DAB1: variants seen among roughly 807,000 people sequenced by gnomAD.
The protein encoded by DAB1 is DAB adaptor protein 1, also known as disabled homolog 1.
In DAB1, 15 loss-of-function variants were observed where a neutral mutation model predicts 64.6. The observed-to-expected ratio is 0.23, with a 90% CI of 0.16 to 0.36. The LOEUF is 0.36. Ranked by LOEUF, DAB1 falls within the 10% of genes least tolerant of loss-of-function variation. The probability of loss-of-function intolerance (pLI) is 1.00; values close to 1 mark genes in which losing one functional copy is unlikely to be tolerated. For synonymous variants in DAB1, 235 were observed against 251.9 expected (o/e 0.93, Z 0.64); for missense variants, 596 against 706.7 (o/e 0.84, Z 1.78).
chr1:58,427,746 C>T lies in DAB1; in HGVS notation n.257+78314G>A, dbSNP rs765535261. ...TGTTTGACTTGGTAAATATTAAGTC[C>T]GAGGTGCTTTATCTTAAAATGTTAG... On this transcript the variant is annotated intron_variant and non_coding_transcript_variant, in intron 3 of 20. Transcript: ENST00000485760. Among the ~76,000 whole-genome samples the T allele has an allele frequency of 4.6e-5, 7 of 151,930 alleles. No homozygotes were observed. The South Asian group carries it at 6.2e-4, about 14-fold the overall frequency.
At chr1:57,761,507 A>G (rs547491287) in intron 6 of DAB1, among the ~76,000 whole-genome samples, 41 of 152,270 alleles carry the variant, frequency 2.7e-4, no homozygotes, top group African/African-American at 9.9e-4. Context: ...GATTGCTGCC[A>G]ATTTCATTGC....
Position 57,221,530 on chromosome 1 carries a change from A to G in DAB1, c.67+69434T>C, listed in dbSNP as rs76555141. Among the ~76,000 whole-genome samples the G allele has an allele frequency of 5.3e-5, 8 of 152,088 alleles. No individual in the cohort carries two copies. The East Asian group carries it at 1.5e-3, about 29-fold the overall frequency. On this transcript the variant is annotated intron_variant, in intron 2 of 14. Coordinates refer to ENST00000371236, the MANE Select transcript of DAB1 (RefSeq NM_001365792.1). ...TTTTCACAAAACGTTACAAAATACT[A>G]TTTTCACAAAACTATGATACTCTGG... is the stretch of plus-strand genomic sequence containing the variant.
chr1:57,160,723 G>T (rs573519950), intron 2 of DAB1, among the ~76,000 whole-genome samples: 1 of 152,312 alleles, frequency 6.6e-6, no homozygotes, highest in South Asian at 2.1e-4. Flanking sequence ...CTCATCTGGT[G>T]TTGCCATTCA....
intron 2 of DAB1, among the ~76,000 whole-genome samples, chr1:57,208,684 C>A (rs1665778423): frequency 6.6e-6 from 1 of 152,096 alleles, no homozygotes; most frequent in Non-Finnish European, 1.5e-5. Flanking sequence ...GACTTTAGGG[C>A]CAGGTACTGT....
At chr1:58,494,714 A>T (rs1645764988) in intron 3 of DAB1, among the ~76,000 whole-genome samples, 1 of 152,086 alleles carries the variant, frequency 6.6e-6, no homozygotes, top group African/African-American at 2.4e-5. Context: ...CAAAACCACA[A>T]TGAGATACCA....
At chr1:57,447,322 G>A (rs1319907176) in intron 7 of DAB1, among the ~76,000 whole-genome samples, 1 of 152,116 alleles carries the variant, frequency 6.6e-6, no homozygotes, top group Non-Finnish European at 1.5e-5. Flanking sequence ...CTGCTCAAAG[G>A]ATCCCTCCAA....
intron 7 of DAB1, among the ~76,000 whole-genome samples, chr1:57,523,083 G>C (rs956192777): frequency 3.3e-5 from 5 of 152,112 alleles, no homozygotes; most frequent in African/African-American, 9.7e-5. Flanking sequence ...ACTTCACCTT[G>C]TGATCATGTG....
chr1:58,186,854 G>C (rs1657105464), intron 4 of DAB1, among the ~76,000 whole-genome samples: 1 of 152,160 alleles, frequency 6.6e-6, no homozygotes, highest in South Asian at 2.1e-4. Context: ...TTGCTTTCAT[G>C]ATCATGGCAG....
At chr1:57,579,795 T>C (rs1315592068) in intron 7 of DAB1, among the ~76,000 whole-genome samples, 3 of 152,106 alleles carry the variant, frequency 2.0e-5, no homozygotes, top group East Asian at 3.9e-4. Flanking sequence ...CCCTGGAAAG[T>C]GGTGTTTTAA....
chr1:57,822,591 C>T (rs547343639), downstream of DAB1, among the ~76,000 whole-genome samples: 1 of 152,284 alleles, frequency 6.6e-6, no homozygotes, highest in South Asian at 2.1e-4. Context: ...TATCACTCCA[C>T]TCATAAGGTG....
At chr1:58,500,358 G>A (rs1475466914) in intron 3 of DAB1, among the ~76,000 whole-genome samples, 4 of 152,054 alleles carry the variant, frequency 2.6e-5, no homozygotes, top group Non-Finnish European at 5.9e-5. Context: ...GTGTACACTG[G>A]CCAACAACGA....
At chr1:57,714,239 T>C (rs1053485245) in intron 6 of DAB1, among the ~76,000 whole-genome samples, 4 of 152,176 alleles carry the variant, frequency 2.6e-5, no homozygotes, top group African/African-American at 9.6e-5. Flanking sequence ...TTTTACCCAT[T>C]TTATGACGGG....
chr1:58,328,260 C>A (rs535636637), intron 4 of DAB1, among the ~76,000 whole-genome samples: 2 of 152,348 alleles, frequency 1.3e-5, no homozygotes, highest in South Asian at 2.1e-4. Context: ...GCCATCGCAG[C>A]TCCTATTTTT....
Position 58,381,947 on chromosome 1 carries a change from ATCAAAGAAGTGAGACTGAATGACAC to A in DAB1, n.258-38569_258-38545del, listed in dbSNP as rs1317684404. On this transcript the variant is annotated intron_variant and non_coding_transcript_variant, in intron 3 of 20. Transcript: ENST00000485760. ...CAAAGAAGTGAGACTGAATGACACC[ATCAAAGAAGTGAGACTGAATGACAC>A]CATGAAAGAAGAAACAGTAGATAGA... Among the ~76,000 whole-genome samples the A allele has an allele frequency of 1.1e-4, 16 of 152,292 alleles. No homozygotes were observed. The East Asian group carries it at 3.1e-3, about 29-fold the overall frequency.
At chr1:57,663,719 G>A (rs1391478883) in intron 6 of DAB1, among the ~76,000 whole-genome samples, 1 of 151,688 alleles carries the variant, frequency 6.6e-6, no homozygotes, top group Non-Finnish European at 1.5e-5. Context: ...ATCACCACTG[G>A]GGTTAATTTA....
intron 5 of DAB1, among the ~76,000 whole-genome samples, chr1:57,986,365 C>T (rs1646218561): frequency 6.6e-6 from 1 of 152,224 alleles, no homozygotes; most frequent in South Asian, 2.1e-4. Context: ...GCTCCCTTAC[C>T]TATTCTACTA....
intron 5 of DAB1, among the ~76,000 whole-genome samples, chr1:58,042,254 T>A (rs572767226): frequency 1.3e-5 from 2 of 152,250 alleles, no homozygotes; most frequent in Non-Finnish European, 1.5e-5. Context: ...GAAGCAGGTA[T>A]GATTTAAAGA....
rs540467404 is a variant in DAB1, at chr1:58,081,801, T to C, written n.387+68710A>G. Among the ~76,000 whole-genome samples, 8 of 152,278 alleles carry C rather than the reference T, an allele frequency of 5.3e-5. No homozygotes were observed. The South Asian group carries it at 1.0e-3, about 20-fold the overall frequency. On this transcript the variant is annotated intron_variant and non_coding_transcript_variant, in intron 5 of 20. Transcript: ENST00000485760. ...CCTTAGAGAGCAGTAAATGAATAATTCCCCATCTCTTTTTTTTCCCCCACT... is the reference window on the plus strand; with the variant it reads ...CCTTAGAGAGCAGTAAATGAATAATCCCCCATCTCTTTTTTTTCCCCCACT...
intron 5 of DAB1, among the ~76,000 whole-genome samples, chr1:57,909,397 A>G (rs1301126821): frequency 6.6e-6 from 1 of 152,218 alleles, no homozygotes; most frequent in African/African-American, 2.4e-5. Context: ...ACTTTCTAAA[A>G]TAAGCTATAA....
Sources: allele counts gnomAD v4.1 joint callset (sites outside exome capture counted in the v4.1 genomes callset), GRCh38; gene constraint gnomAD v4.1.1; transcripts MANE v1.5; gene names NCBI Gene and HGNC (gene_info 2026-07-23, HGNC 2026-07-21).